The following AKAP6 variants were observed in gnomAD, a reference collection of about 807,000 sequenced individuals.
AKAP6 encodes A-kinase anchor protein 6.
In AKAP6, 58 loss-of-function variants were observed where a neutral mutation model predicts 188.5. The ratio of observed to expected loss-of-function variants is 0.31; its 90% confidence interval spans 0.25 to 0.38. The LOEUF is 0.38. AKAP6 is among the 10% of genes least tolerant of loss of function. AKAP6 has a pLI of 1.00. For synonymous variants in AKAP6, 989 were observed against 998.6 expected (o/e 0.99, Z 0.18); for missense variants, 2,710 against 2,740.0 (o/e 0.99, Z 0.24).
At chr14:32,535,911 A>G in intron 3 of AKAP6, 106 bp downstream of exon 3, 2 of 1,478,098 alleles carry the variant, frequency 1.4e-6, no homozygotes, top group Non-Finnish European at 1.8e-6. Context: ...GTAAATAAGC[A>G]GGCCCTGATG....
chr14:32,710,954 A>C (rs951756974), intron 9 of AKAP6, among the ~76,000 whole-genome samples: 1 of 152,062 alleles, frequency 6.6e-6, no homozygotes, highest in Admixed American at 6.6e-5. Flanking sequence ...GCTTTTACGC[A>C]ATGGTAGAGT....
chr14:32,583,311 G>A (rs1355256306), intron 5 of AKAP6, among the ~76,000 whole-genome samples: 12 of 152,156 alleles, frequency 7.9e-5, no homozygotes, highest in Admixed American at 1.3e-4. Flanking sequence ...GCGGATTTTC[G>A]TGAACCGCGA....
intron 7 of AKAP6, among the ~76,000 whole-genome samples, chr14:32,623,736 C>G (rs1041951675): frequency 6.6e-6 from 1 of 152,112 alleles, no homozygotes; most frequent in Admixed American, 6.6e-5. Context: ...GTAGCTTTAC[C>G]TGTTTCAGCA....
chr14:32,564,927 T>G (rs1358057520), intron 4 of AKAP6, among the ~76,000 whole-genome samples: 1 of 152,210 alleles, frequency 6.6e-6, no homozygotes, highest in Non-Finnish European at 1.5e-5. Context: ...AGGAAATCCC[T>G]TTTCTCTGAA....
chr14:32,793,254 A>G (rs2033663909), intron 12 of AKAP6, among the ~76,000 whole-genome samples: 2 of 152,208 alleles, frequency 1.3e-5, no homozygotes, highest in Non-Finnish European at 2.9e-5. Flanking sequence ...GCCAAGACCC[A>G]TCAGTATGCT....
rs780327261 is a variant in AKAP6 at position 32,577,208 on chromosome 14, T to C, written c.2435T>C (p.Met812Thr). 1 of 1,612,414 alleles carries C rather than the reference T, an allele frequency of 6.2e-7. No homozygotes were observed. The highest frequency in any genetic ancestry group is 8.5e-7 in the Non-Finnish European group (1 of 1,179,158). ...AATTGGACTCCCCCTAAAGCAGAGA[T>C]GGATGACCTTAAACTGTATCTGGAG... ...TENWTPPKAE[M>T]DDLKLYLETH... Residue 812 changes from methionine (M) to threonine (T), a missense_variant, in exon 5 of 14, where the codon ATG becomes ACG. Met to Thr is a moderately conservative substitution (Grantham distance 81, BLOSUM62 -1). Transcript: ENST00000280979.
chr14:32,406,152 A>G (rs561351194), intron 1 of AKAP6, among the ~76,000 whole-genome samples: 2 of 152,218 alleles, frequency 1.3e-5, no homozygotes, highest in South Asian at 4.1e-4. Context: ...CAGGACTGAT[A>G]GTGTAACGAA....
At chr14:32,334,071 G>C (rs1016486159) in intron 1 of AKAP6, among the ~76,000 whole-genome samples, 1 of 152,082 alleles carries the variant, frequency 6.6e-6, no homozygotes, top group Non-Finnish European at 1.5e-5. Flanking sequence ...CAATCATATT[G>C]ACTGAACTCT....
At chr14:32,518,827 T>C (rs1881662744) in intron 2 of AKAP6, among the ~76,000 whole-genome samples, 1 of 152,204 alleles carries the variant, frequency 6.6e-6, no homozygotes, top group East Asian at 1.9e-4. Flanking sequence ...AACATTCAAA[T>C]TCAGGAAATA....
chr14:32,575,790 C>T (rs1262373328), intron 4 of AKAP6, among the ~76,000 whole-genome samples: 4 of 151,976 alleles, frequency 2.6e-5, no homozygotes, highest in African/African-American at 7.3e-5. Flanking sequence ...TATGATGTAC[C>T]ACTATGTGGG....
chr14:32,525,956 A>T (rs1394500634), intron 2 of AKAP6, among the ~76,000 whole-genome samples: 5 of 152,226 alleles, frequency 3.3e-5, no homozygotes, highest in African/African-American at 1.2e-4. Flanking sequence ...TTTAGCACTA[A>T]AAAGAATAAC....
At chr14:32,595,386 C>T (rs1341175827) in intron 5 of AKAP6, among the ~76,000 whole-genome samples, 2 of 152,156 alleles carry the variant, frequency 1.3e-5, no homozygotes, top group Non-Finnish European at 2.9e-5. Flanking sequence ...ATCTTCAGGC[C>T]CGTGTACAAA....
chr14:32,399,561 T>A (rs532815954), intron 1 of AKAP6, among the ~76,000 whole-genome samples: 1 of 152,240 alleles, frequency 6.6e-6, no homozygotes, highest in African/African-American at 2.4e-5. Flanking sequence ...TTCTGGGGAC[T>A]CCCCACCTAG....
chr14:32,690,771 A>C (rs925397862), intron 8 of AKAP6, among the ~76,000 whole-genome samples: 1 of 152,224 alleles, frequency 6.6e-6, no homozygotes, highest in Non-Finnish European at 1.5e-5. Context: ...AACTGACTTC[A>C]AGTTAGAAGA....
chr14:32,641,496 A>T (rs1037206929), intron 7 of AKAP6, among the ~76,000 whole-genome samples: 8 of 151,596 alleles, frequency 5.3e-5, no homozygotes, highest in Non-Finnish European at 8.8e-5. Flanking sequence ...AAAGAAAAGA[A>T]AAGAAAAGAA....
intron 11 of AKAP6, among the ~76,000 whole-genome samples, chr14:32,755,182 A>T (rs1033043397): frequency 6.6e-6 from 1 of 151,608 alleles, no homozygotes; most frequent in African/African-American, 2.4e-5. Flanking sequence ...GGCTTTCTTC[A>T]CTCATTTTCA....
intron 1 of AKAP6, among the ~76,000 whole-genome samples, chr14:32,378,211 T>C (rs1888223964): frequency 6.6e-6 from 1 of 152,216 alleles, no homozygotes; most frequent in Admixed American, 6.5e-5. Context: ...AAAACTAACA[T>C]TTAGCATCAC....
At chr14:32,637,658 G>A (rs12323763) in intron 7 of AKAP6, among the ~76,000 whole-genome samples, 35,488 of 151,940 alleles carry the variant, frequency 0.23, 4,586 homozygotes, top group African/African-American at 0.31. Context: ...AGCTGATATA[G>A]AGGCAGGGAT....
intron 4 of AKAP6, among the ~76,000 whole-genome samples, chr14:32,569,188 G>T (rs1042342372): frequency 8.5e-5 from 13 of 152,062 alleles, no homozygotes; most frequent in African/African-American, 2.7e-4. Context: ...ATGCCATTTT[G>T]CTCTTTCTTT....
Sources: gnomAD v4.1 joint callset for allele counts (sites outside exome capture counted in the v4.1 genomes callset) on GRCh38, gnomAD v4.1.1 for gene constraint, MANE v1.5 for transcripts, NCBI Gene and HGNC (gene_info 2026-07-23, HGNC 2026-07-21) for gene names.